ITGB8: variants seen among roughly 807,000 people sequenced by gnomAD.
The protein encoded by ITGB8 is integrin beta-8.
In ITGB8, 30 loss-of-function variants were observed where a neutral mutation model predicts 89.5. That is an observed-to-expected ratio of 0.34 (90% CI 0.25 to 0.45). The LOEUF (loss-of-function observed/expected upper bound fraction) is 0.45. Among genes scored for constraint, ITGB8 ranks in the 20% least tolerant of loss-of-function variants. The pLI, the probability that ITGB8 is intolerant of heterozygous loss-of-function variation, is 1.00. For synonymous variants in ITGB8, 335 were observed against 320.4 expected (o/e 1.05, Z -0.49); for missense variants, 836 against 933.3 (o/e 0.90, Z 1.36).
chr7:20,396,455 C>T (rs1787084443), intron 8 of ITGB8, among the ~76,000 whole-genome samples: 2 of 151,774 alleles, frequency 1.3e-5, no homozygotes, highest in African/African-American at 4.8e-5. Context: ...AAATTAAGAA[C>T]TTGTTTAAAC....
intron 1 of ITGB8, among the ~76,000 whole-genome samples, chr7:20,338,774 T>C (rs199976118): frequency 6.6e-6 from 1 of 152,362 alleles, no homozygotes; most frequent in East Asian, 1.9e-4. Context: ...AAATCCCTTT[T>C]GGTAATCTTT....
chr7:20,367,017 C>A lies in ITGB8; in HGVS notation c.219C>A (p.Phe73Leu). ...ATTTTCTTTCTTTTAAACAGGATTT[C>A]ATTTCAGGTGGATCAAGAAGTGAAC... ...PECGWCVQED[F>L]ISGGSRSERC... The change falls in exon 3 of 14, where the codon TTC (phenylalanine) becomes TTA (leucine). Residue 73 changes from phenylalanine to leucine, a missense_variant. Around this residue, in one of 5 missense-constraint regions of ITGB8, gnomAD observed 182 missense variants for 177.0 expected, o/e 1.03. Coordinates refer to ENST00000222573, the MANE Select transcript of ITGB8 (RefSeq NM_002214.3). 1 of 1,604,526 alleles carries A rather than the reference C, an allele frequency of 6.2e-7. No individual in the cohort carries two copies. The highest frequency in any genetic ancestry group is 8.5e-7 in the Non-Finnish European group (1 of 1,176,532).
chr7:20,346,754 C>A (rs925755980), intron 1 of ITGB8: 2 of 984,978 alleles, frequency 2.0e-6, no homozygotes, highest in African/African-American at 3.5e-5. Context: ...GTATATAACA[C>A]CTGACGATTA....
At chr7:20,395,323 G>T (rs919346730) in intron 8 of ITGB8, among the ~76,000 whole-genome samples, 1 of 152,174 alleles carries the variant, frequency 6.6e-6, no homozygotes, top group Non-Finnish European at 1.5e-5. Context: ...TTCCTATGCC[G>T]TAATGATAAA....
chr7:20,365,361 A>T (rs989818649), intron 2 of ITGB8: 4 of 152,218 alleles, frequency 2.6e-5, no homozygotes, highest in African/African-American at 7.2e-5. Context: ...AGTGCAGCCT[A>T]GTTTATGTAT....
At position 20,409,962 on chromosome 7, in the gene ITGB8, T is replaced by C. The variant is rs369553579; in HGVS notation, c.2275T>C (p.Leu759=). The part of the protein sequence containing the change: ...PEEIKMDISK[L]NAHETFRCNF ...AGAAATAAAAATGGATATCAGCAAA[T>C]TAAATGCTCATGAAACTTTCAGGTG... Residue 759 remains leucine, a synonymous_variant, in exon 14 of 14, where the codon TTA becomes CTA. Transcript: ENST00000222573. 4.2e-5 allele frequency: 68 copies of C among 1,612,990 alleles called. No homozygotes were observed. The highest frequency in any genetic ancestry group is 5.5e-5 in the Non-Finnish European group (65 of 1,179,658).
At chr7:20,402,451 C>T (rs1226564909) in intron 10 of ITGB8, among the ~76,000 whole-genome samples, 1 of 152,152 alleles carries the variant, frequency 6.6e-6, no homozygotes, top group Admixed American at 6.5e-5. Flanking sequence ...CCAGAAGAAT[C>T]AGAGTATTCT....
chr7:20,381,104 G>A (rs1465245991), intron 5 of ITGB8: 5 of 295,748 alleles, frequency 1.7e-5, no homozygotes, highest in African/African-American at 8.8e-5. Context: ...TTTCTCATGC[G>A]CCACACTCCA....
rs184447333 is a variant in ITGB8, at chr7:20,379,664, C to T, written c.635+367C>T. The stretch of plus-strand genomic sequence containing the variant: ...TTATTTTTTGATTGCTCCAAAATTG[C>T]TGAATTATGATTTGACACATTTTAA... On this transcript the variant is annotated intron_variant, in intron 4 of 13. Coordinates refer to ENST00000222573, the MANE Select transcript of ITGB8 (RefSeq NM_002214.3). The T allele has an allele frequency of 2.3e-3, 350 of 152,808 alleles. 1 individual carries two copies. Among genetic ancestry groups the T allele is most frequent in the Non-Finnish European group, 2.8e-3 (192 of 68,534 alleles). The allele number at this position is 152,808 out of a possible 1,614,324, so 9.5% of individuals were successfully genotyped here.
chr7:20,354,260 T>G (rs974980882), intron 1 of ITGB8, among the ~76,000 whole-genome samples: 1 of 152,220 alleles, frequency 6.6e-6, no homozygotes, highest in Non-Finnish European at 1.5e-5. Context: ...TCCCAGGAAC[T>G]GGTAGTCTAG....
intron 1 of ITGB8, among the ~76,000 whole-genome samples, chr7:20,345,074 G>A (rs955933308): frequency 6.6e-6 from 1 of 152,184 alleles, no homozygotes; most frequent in African/African-American, 2.4e-5. Context: ...CAAGAATACT[G>A]GAGAAGGAGG....
At chr7:20,366,037 A>G (rs1054026021) in intron 2 of ITGB8, 9 of 152,206 alleles carry the variant, frequency 5.9e-5, no homozygotes, top group African/African-American at 2.2e-4. Context: ...ACTATTATGT[A>G]GCATGTTAAT....
intron 6 of ITGB8, among the ~76,000 whole-genome samples, chr7:20,386,208 A>G (rs1786608018): frequency 1.3e-5 from 2 of 151,602 alleles, no homozygotes; most frequent in South Asian, 4.2e-4. Flanking sequence ...CAGCTTGCTG[A>G]ATGATCTGCT....
intron 1 of ITGB8, among the ~76,000 whole-genome samples, chr7:20,334,934 T>A (rs1011978122): frequency 1.3e-5 from 2 of 152,200 alleles, no homozygotes; most frequent in African/African-American, 4.8e-5. Context: ...TATGATTTTT[T>A]AAAGTTTTTA....
chr7:20,373,058 CTTAATA>C (rs1307784729), intron 3 of ITGB8, among the ~76,000 whole-genome samples: 4 of 152,176 alleles, frequency 2.6e-5, no homozygotes, highest in Admixed American at 2.6e-4. Context: ...GCATTGAGCT[CTTAATA>C]TTAATTTTGA....
chr7:20,351,208 A>G (rs1785102939), intron 1 of ITGB8, among the ~76,000 whole-genome samples: 1 of 152,262 alleles, frequency 6.6e-6, no homozygotes, highest in African/African-American at 2.4e-5. Context: ...GTCATCATTT[A>G]AGAACTAATA....
At chr7:20,373,281 T>C (rs1786008771) in intron 3 of ITGB8, among the ~76,000 whole-genome samples, 1 of 152,198 alleles carries the variant, frequency 6.6e-6, no homozygotes, top group South Asian at 2.1e-4. Context: ...TACTTTTTCT[T>C]ATTTTCACTT....
In ITGB8 at chr7:20,354,725, A is replaced by T. The variant is rs139323515; in HGVS notation, c.128-8912A>T. Among the ~76,000 whole-genome samples, 667 of 152,310 alleles carry T rather than the reference A, an allele frequency of 4.4e-3. 5 individuals are homozygous for T. Among genetic ancestry groups the T allele is most frequent in the African/African-American group, 0.015 (637 of 41,570 alleles). On this transcript the variant is annotated intron_variant, in intron 1 of 13. Coordinates refer to ENST00000222573, the MANE Select transcript of ITGB8 (RefSeq NM_002214.3). ...GAGGCAGGATGGGCATAAGGGGAAT[A>T]AAAAGGAAAACAAGAAAACTTTTTT...
chr7:20,399,609 T>G (rs1448042386), intron 9 of ITGB8, among the ~76,000 whole-genome samples: 2 of 150,038 alleles, frequency 1.3e-5, no homozygotes, highest in Non-Finnish European at 3.0e-5. Flanking sequence ...ATCCAGATTG[T>G]AACAGTATCA....
Sources: gnomAD v4.1 joint callset for allele counts (sites outside exome capture counted in the v4.1 genomes callset) on GRCh38, gnomAD v4.1.1 for gene constraint, gnomAD v4.1.1 regional missense constraint, MANE v1.5 for transcripts, NCBI Gene and HGNC (gene_info 2026-07-23, HGNC 2026-07-21) for gene names.